Variants in ANXA10 observed in about 807,000 individuals in gnomAD.
ANXA10 encodes the protein annexin 14.
In ANXA10, 49 loss-of-function variants were observed where a neutral mutation model predicts 53.5. That is an observed-to-expected ratio of 0.92 (90% CI 0.73 to 1.16). The LOEUF is 1.16. Among genes scored for constraint, ANXA10 ranks in the 50% most tolerant of loss-of-function variants. ANXA10 has a pLI of 0.00. For synonymous variants in ANXA10, 131 were observed against 128.9 expected (o/e 1.02, Z -0.11); for missense variants, 393 against 394.4 (o/e 1.00, Z 0.03).
At chr4:168,164,416 G>A in intron 5 of ANXA10, 128 bp downstream of exon 5, 3 of 693,984 alleles carry the variant, frequency 4.3e-6, no homozygotes, top group South Asian at 2.4e-5. Flanking sequence ...GATTCACTGA[G>A]GACCAATTAA....
chr4:168,126,779 T>C (rs1731077655), intron 1 of ANXA10, among the ~76,000 whole-genome samples: 1 of 152,212 alleles, frequency 6.6e-6, no homozygotes, highest in African/African-American at 2.4e-5. Context: ...AATTTAGTTG[T>C]ACTTCTAAGA....
chr4:168,094,466 T>C (rs1311098069), intron 1 of ANXA10, among the ~76,000 whole-genome samples: 1 of 152,140 alleles, frequency 6.6e-6, no homozygotes, highest in Non-Finnish European at 1.5e-5. Flanking sequence ...AATTTAGTGC[T>C]AAAAAGGCCA....
At chr4:168,123,110 C>A (rs1480155891) in intron 1 of ANXA10, among the ~76,000 whole-genome samples, 5 of 152,070 alleles carry the variant, frequency 3.3e-5, no homozygotes, top group African/African-American at 1.2e-4. Flanking sequence ...TTGTGGGGGT[C>A]TACACATAAG....
intron 2 of ANXA10, among the ~76,000 whole-genome samples, chr4:168,138,479 T>C: frequency 6.6e-6 from 1 of 152,208 alleles, no homozygotes; most frequent in East Asian, 1.9e-4. Context: ...AGTAGCATGC[T>C]GTTTTGATTA....
chr4:168,110,860 G>A (rs1032566026), intron 1 of ANXA10, among the ~76,000 whole-genome samples: 8 of 152,104 alleles, frequency 5.3e-5, no homozygotes, highest in South Asian at 4.2e-4. Context: ...ATAGAATTTC[G>A]TGATACTTTC....
chr4:168,121,334 A>G (rs1425807738), intron 1 of ANXA10, among the ~76,000 whole-genome samples: 1 of 152,140 alleles, frequency 6.6e-6, no homozygotes, highest in Non-Finnish European at 1.5e-5. Context: ...ACAATGTATC[A>G]TCTTCTTCCT....
chr4:168,119,062 A>G (rs1033787982), intron 1 of ANXA10, among the ~76,000 whole-genome samples: 4 of 152,140 alleles, frequency 2.6e-5, no homozygotes, highest in African/African-American at 9.7e-5. Context: ...CATGATTTTT[A>G]TTTAGTGTGC....
At chr4:168,156,179 T>TAAAA (rs1731662664) in intron 3 of ANXA10, among the ~76,000 whole-genome samples, 3 of 21,850 alleles carry the variant, frequency 1.4e-4, no homozygotes, top group African/African-American at 7.9e-4. Context: ...TATTATATTA[T>TAAAA]ATATTATATA....
chr4:168,180,972 A>G (rs1732228166), intron 9 of ANXA10, among the ~76,000 whole-genome samples: 1 of 152,166 alleles, frequency 6.6e-6, no homozygotes, highest in Non-Finnish European at 1.5e-5. Flanking sequence ...TTTCAGGTCT[A>G]CTCACAAATC....
chr4:168,122,719 A>C (rs1731007641), intron 1 of ANXA10, among the ~76,000 whole-genome samples: 1 of 152,106 alleles, frequency 6.6e-6, no homozygotes, highest in Admixed American at 6.6e-5. Flanking sequence ...ACTGGCGGGC[A>C]GGTTGTCACA....
intron 10 of ANXA10, among the ~76,000 whole-genome samples, chr4:168,183,311 A>G (rs1384463467): frequency 2.6e-5 from 4 of 152,234 alleles, no homozygotes; most frequent in Non-Finnish European, 5.9e-5. Context: ...AAGGAAGATC[A>G]ATGCTCACAG....
At chr4:168,170,113 C>T (rs191881946) in intron 6 of ANXA10, among the ~76,000 whole-genome samples, 5 of 151,926 alleles carry the variant, frequency 3.3e-5, no homozygotes, top group African/African-American at 7.2e-5. Context: ...TACATGAGTA[C>T]GAGTATTTGT....
chr4:168,155,356 A>G (rs901368074), intron 3 of ANXA10, among the ~76,000 whole-genome samples: 74 of 121,448 alleles, frequency 6.1e-4, no homozygotes, highest in African/African-American at 2.3e-3. Flanking sequence ...TATATTATAT[A>G]TTATATAATG....
chr4:168,169,501 C>T (rs570722371), intron 6 of ANXA10, among the ~76,000 whole-genome samples: 80 of 152,216 alleles, frequency 5.3e-4, no homozygotes, highest in African/African-American at 1.8e-3. Flanking sequence ...GCTTCTGTTC[C>T]CTCCCTCCCA....
chr4:168,176,089 G>A (rs1323753349), intron 6 of ANXA10, among the ~76,000 whole-genome samples: 1 of 152,136 alleles, frequency 6.6e-6, no homozygotes, highest in East Asian at 1.9e-4. Context: ...GCAATTGGTA[G>A]AGAGATGTGT....
At chr4:168,151,960 TC>T (rs1421615686) in intron 3 of ANXA10, among the ~76,000 whole-genome samples, 1 of 152,204 alleles carries the variant, frequency 6.6e-6, no homozygotes, top group African/African-American at 2.4e-5. Context: ...CTACAAGTAG[TC>T]CTCATTCACT....
intron 9 of ANXA10, 51 bp downstream of exon 9, chr4:168,179,363 T>C: frequency 7.8e-7 from 1 of 1,275,404 alleles, no homozygotes; most frequent in Non-Finnish European, 1.1e-6. Context: ...TCTCTATAAA[T>C]GCTGAGTGGC....
chr4:168,099,509 C>T lies in ANXA10; in HGVS notation c.18+6791C>T, dbSNP rs1184483084. Among the ~76,000 whole-genome samples, 4 of 152,098 alleles carry T rather than the reference C, an allele frequency of 2.6e-5. No homozygotes were observed. In the East Asian group the frequency reaches 7.7e-4, roughly 29 times the overall value. ...CTTCACAGTAGAAAAGGGTTAGATT[C>T]ATGAACCCTCAGTGAAAGGTAATTA... On this transcript the variant is annotated intron_variant, in intron 1 of 11. Transcript: ENST00000359299.
At chr4:168,105,425 T>C (rs1436244670) in intron 1 of ANXA10, among the ~76,000 whole-genome samples, 1 of 152,110 alleles carries the variant, frequency 6.6e-6, no homozygotes, top group Non-Finnish European at 1.5e-5. Flanking sequence ...GCTCCATCCA[T>C]GTTTCTGCAA....
Sources: allele counts gnomAD v4.1 joint callset (sites outside exome capture counted in the v4.1 genomes callset), GRCh38; gene constraint gnomAD v4.1.1; transcripts MANE v1.5; gene names NCBI Gene and HGNC (gene_info 2026-07-23, HGNC 2026-07-21).